Variants in IFT122 observed in about 807,000 individuals in gnomAD.
The protein encoded by IFT122 is intraflagellar transport protein 122 homolog.
Under a neutral mutation model 161.6 loss-of-function variants are expected in IFT122, and 118 were observed. That is an observed-to-expected ratio of 0.73 (90% CI 0.63 to 0.85). The LOEUF (loss-of-function observed/expected upper bound fraction) is 0.85, where lower values mean the gene tolerates loss of function less well. Ranked by LOEUF, IFT122 falls within the 40% of genes least tolerant of loss-of-function variation. The probability of loss-of-function intolerance (pLI) is 0.00; values close to 1 mark genes in which losing one functional copy is unlikely to be tolerated. For synonymous variants in IFT122, 550 were observed against 602.4 expected, an observed-to-expected ratio of 0.91 and a Z score of 1.27; for missense variants, 1,381 against 1,579.6, an observed-to-expected ratio of 0.87 and a Z score of 2.13.
chr3:129,503,997 G>T (rs1474510482), intron 20 of IFT122: 1 of 373,216 alleles, frequency 2.7e-6, no homozygotes, highest in East Asian at 6.6e-5. Context: ...GCAATTAAAA[G>T]AAATCTGTTT....
chr3:129,452,302 G>A (rs2074944575), intron 3 of IFT122: 2 of 388,578 alleles, frequency 5.1e-6, no homozygotes, highest in African/African-American at 2.1e-5. Flanking sequence ...AAAGTATGAG[G>A]GAAGACATAC....
chr3:129,454,513 T>TTTTGTGTGTGTG lies in IFT122; in HGVS notation c.193+2516_193+2517insTTGTGTGTGTGT, dbSNP rs367834133. ...GTGTGCTGTACCATGGTAGTCATATTTGTGTGTGTGTGTGTGTGTGTGTGT... is the reference window on the plus strand; with the variant it reads ...GTGTGCTGTACCATGGTAGTCATATTTTTGTGTGTGTGTGTGTGTGTGTGTGTGTGTGTGTGT... On this transcript the variant is annotated intron_variant, in intron 3 of 29. Transcript: ENST00000348417. 4.7e-3 allele frequency among the ~76,000 whole-genome samples: 611 copies of TTTTGTGTGTGTG among 131,254 alleles called. 7 individuals carry two copies. The highest frequency in any genetic ancestry group is 0.038 in the East Asian group (158 of 4,198). The allele number at this position is 131,254 out of a possible 152,430, so 86.1% of individuals were successfully genotyped here. A position where few individuals can be genotyped will look rare whatever the true frequency, so the allele number is the denominator to read the frequency against.
At chr3:129,496,980 A>C (rs1436816607) in intron 18 of IFT122, among the ~76,000 whole-genome samples, 1 of 152,232 alleles carries the variant, frequency 6.6e-6, no homozygotes, top group Non-Finnish European at 1.5e-5. Flanking sequence ...GCTGTGCTGC[A>C]GTAGAAAATG....
intron 14 of IFT122, 112 bp downstream of exon 14, chr3:129,481,806 G>A (rs2078682033): frequency 4.3e-6 from 5 of 1,153,900 alleles, no homozygotes; most frequent in Admixed American, 3.8e-5. Context: ...GTCTCTGGGA[G>A]GGGCAGGGGC....
chr3:129,515,123 T>C, intron 25 of IFT122: 1 of 413,544 alleles, frequency 2.4e-6, no homozygotes, highest in Non-Finnish European at 4.5e-6. Context: ...TTCCCACAGG[T>C]AGTTGTGAGG....
At chr3:129,448,237 A>AG (rs2074282346) in intron 1 of IFT122, among the ~76,000 whole-genome samples, 1 of 152,218 alleles carries the variant, frequency 6.6e-6, no homozygotes, top group Non-Finnish European at 1.5e-5. Flanking sequence ...GACACACCAG[A>AG]GTGAGGTTAC....
At chr3:129,452,756 T>C (rs1295760197) in intron 3 of IFT122, among the ~76,000 whole-genome samples, 1 of 152,168 alleles carries the variant, frequency 6.6e-6, no homozygotes. Context: ...TGATTTGTAT[T>C]TTAAAAGGAT....
rs1386492469 is a variant in IFT122, at chr3:129,517,585, G to A, written c.3382G>A (p.Ala1128Thr). ...PKRDDRQLEI[A>T]NNSSQILRLV... is the part of the protein sequence containing the mutation. ...GCGGGATGACAGACAGCTAGAGATTGCAAACAACAGTATCCATGCCCTTGG... is the reference window on the plus strand; with the variant it reads ...GCGGGATGACAGACAGCTAGAGATTACAAACAACAGTATCCATGCCCTTGG... The change falls in exon 27 of 30, where the codon GCA (alanine) becomes ACA (threonine). Residue 1128 changes from alanine to threonine, a missense_variant. Around this residue, in one of 7 missense-constraint regions of IFT122, gnomAD observed 177 missense variants for 199.2 expected, o/e 0.89. Transcript: ENST00000348417. 1 of 1,613,346 alleles carries A rather than the reference G, an allele frequency of 6.2e-7. No homozygotes were observed. The highest frequency in any genetic ancestry group is 1.1e-5 in the South Asian group (1 of 91,074).
chr3:129,516,493 C>CGT (rs2083677138), intron 26 of IFT122, among the ~76,000 whole-genome samples: 1 of 139,650 alleles, frequency 7.2e-6, no homozygotes, highest in Admixed American at 7.1e-5. Context: ...ACTGCCCCTG[C>CGT]ACACACACAT....
In IFT122 at chr3:129,506,461, CACAA is replaced by C. The variant is rs1286331144; in HGVS notation, c.2708_2711del (p.Asn903MetfsTer25). On this transcript the variant is annotated frameshift_variant, in exon 22 of 30. Transcript: ENST00000348417. LOFTEE classifies it high-confidence loss of function. ...AAGCGGTCCAGGTGCTGGAGCAGCT[CACAA>C]ACAATGCCGTGGCGGAGAGCAGGTT... 1.9e-6 allele frequency: 3 copies of C among 1,614,220 alleles called. No individual in the cohort carries two copies. The highest frequency in any genetic ancestry group is 1.3e-5 in the African/African-American group (1 of 75,050).
chr3:129,488,186 T>C (rs1425366776), intron 15 of IFT122, 71 bp from the exon 16 acceptor site: 21 of 1,612,016 alleles, frequency 1.3e-5, no homozygotes, highest in Non-Finnish European at 1.8e-5. Flanking sequence ...GGAGGCAGGC[T>C]CTGTATGCAT....
chr3:129,512,932 C>T, intron 24 of IFT122: 1 of 177,252 alleles, frequency 5.6e-6, no homozygotes, highest in Non-Finnish European at 1.2e-5. Context: ...GAGGTCAGGG[C>T]CATGGTCAGG....
intron 23 of IFT122, among the ~76,000 whole-genome samples, chr3:129,511,762 G>A (rs763715524): frequency 6.6e-6 from 1 of 152,194 alleles, no homozygotes; most frequent in African/African-American, 2.4e-5. Context: ...ATGTGTGCTC[G>A]TTTGGTGGCA....
chr3:129,502,281 C>T (rs2081648379), intron 19 of IFT122, among the ~76,000 whole-genome samples: 1 of 152,168 alleles, frequency 6.6e-6, no homozygotes, highest in South Asian at 2.1e-4. Context: ...GGAAAGAGTG[C>T]TGGGCCCAGT....
In IFT122 at chr3:129,483,466, C is replaced by T; in HGVS notation, c.1654-19C>T. The T allele has an allele frequency of 6.2e-7, 1 of 1,611,200 alleles. No homozygotes were observed. The highest frequency in any genetic ancestry group is 8.5e-7 in the Non-Finnish European group (1 of 1,177,550). ...CCCAGGGTGGTTCTCACAGGATCCC[C>T]ACTGTCCCTGTTCCCCAGGAACCAA... On this transcript the variant is annotated intron_variant, in intron 14 of 29. Transcript: ENST00000348417.
intron 4 of IFT122, chr3:129,460,976 G>A: frequency 1.3e-6 from 2 of 1,585,856 alleles, no homozygotes; most frequent in East Asian, 2.2e-5. Flanking sequence ...GATTGCTTGA[G>A]GCCAAGCGTT....
At position 129,456,973 on chromosome 3, in the gene IFT122, G is replaced by A. The variant is rs1014659888; in HGVS notation, c.194-1626G>A. On this transcript the variant is annotated intron_variant, in intron 3 of 29. Transcript: ENST00000348417. Reference sequence around the variant, plus strand: ...TTGACTCCCATAAAAAGACTCTGAGGAAGATACTGTTCCTCTGTGTTTCAG... The same window carrying A: ...TTGACTCCCATAAAAAGACTCTGAGAAAGATACTGTTCCTCTGTGTTTCAG... Among the ~76,000 whole-genome samples the A allele has an allele frequency of 3.3e-5, 5 of 152,300 alleles. No homozygotes were observed. In the South Asian group the frequency reaches 1.0e-3, roughly 32 times the overall value.
rs1282861097 is a variant in IFT122 at position 129,516,144 on chromosome 3, GCACA to G, written c.3265+554_3265+557del. 1.5e-4 allele frequency among the ~76,000 whole-genome samples: 18 copies of G among 121,402 alleles called. 1 individual carries two copies. Among genetic ancestry groups the G allele is most frequent in the South Asian group, 1.4e-3 (5 of 3,552 alleles). The allele number at this position is 121,402 out of a possible 152,430, so 79.6% of individuals were successfully genotyped here. ...CCCTGCACACACAGAGACTGCCCCT[GCACA>G]CACACACAGAGACCGCCCCTGCACA... On this transcript the variant is annotated intron_variant, in intron 26 of 29. Transcript: ENST00000348417.
In IFT122 at chr3:129,519,186, G is replaced by A. The variant is rs768379480; in HGVS notation, c.3471G>A (p.Glu1157=). Residue 1157 remains glutamate (E), a splice_region_variant and synonymous_variant, in exon 28 of 30, where the codon GAG becomes GAA. Coordinates refer to ENST00000348417, the MANE Select transcript of IFT122 (RefSeq NM_052989.3). ...EDPFTAKLSF[E]QGGSEFVPVV... is the part of the protein sequence containing the mutation. ...CGTTCACAGCTAAGCTGAGCTTTGAGGTGAGGGTGCCTCTCTGGGTGACCT... is the reference window on the plus strand; with the variant it reads ...CGTTCACAGCTAAGCTGAGCTTTGAAGTGAGGGTGCCTCTCTGGGTGACCT... 3.1e-6 allele frequency: 5 copies of A among 1,613,762 alleles called. No individual in the cohort carries two copies. In the South Asian group the frequency reaches 5.5e-5, roughly 18 times the overall value.
Sources: allele counts gnomAD v4.1 joint callset (sites outside exome capture counted in the v4.1 genomes callset), GRCh38; gene constraint gnomAD v4.1.1; regional missense constraint gnomAD v4.1.1; transcripts MANE v1.5; gene names NCBI Gene and HGNC (gene_info 2026-07-23, HGNC 2026-07-21).